FAS: variants seen among roughly 807,000 people sequenced by gnomAD.
FAS encodes the protein Fas cell surface death receptor.
FAS carries 5 observed loss-of-function variants against 33.2 expected under a neutral mutation model. That is an observed-to-expected ratio of 0.15 (90% CI 0.08 to 0.32). The LOEUF (loss-of-function observed/expected upper bound fraction) is 0.32. Among genes scored for constraint, FAS ranks in the 10% least tolerant of loss-of-function variants. The probability of loss-of-function intolerance (pLI) is 1.00; values close to 1 mark genes in which losing one functional copy is unlikely to be tolerated. For missense variants in FAS, 339 were observed against 386.0 expected (o/e 0.88, Z 1.02); for synonymous variants, 131 against 130.7 (o/e 1.00, Z -0.01).
At chr10:88,970,164 G>A (rs1406099123) in intron 1 of FAS, among the ~76,000 whole-genome samples, 1 of 152,094 alleles carries the variant, frequency 6.6e-6, no homozygotes, top group Non-Finnish European at 1.5e-5. Flanking sequence ...AGGTTTTACT[G>A]TACTTGGATC....
chr10:88,985,863 C>T (rs1450188591), upstream of FAS, among the ~76,000 whole-genome samples: 2 of 152,196 alleles, frequency 1.3e-5, no homozygotes, highest in African/African-American at 4.8e-5. Context: ...TGCCTTAAGC[C>T]AACCTTTCCA....
intron 2 of FAS, among the ~76,000 whole-genome samples, chr10:89,005,670 C>T (rs1446991440): frequency 6.6e-6 from 1 of 152,162 alleles, no homozygotes; most frequent in Non-Finnish European, 1.5e-5. Flanking sequence ...TGGAGTCTCA[C>T]TCTGTAGTCC....
At chr10:89,000,128 G>A (rs1384351891) in intron 1 of FAS, among the ~76,000 whole-genome samples, 2 of 152,174 alleles carry the variant, frequency 1.3e-5, no homozygotes, top group African/African-American at 4.8e-5. Flanking sequence ...AAATGGCTTT[G>A]ATTATGCTGG....
At chr10:88,975,181 G>T (rs1421656087) in intron 2 of FAS, 5 of 151,378 alleles carry the variant, frequency 3.3e-5, no homozygotes, top group African/African-American at 1.2e-4. Flanking sequence ...TCAAGCAAGA[G>T]CAAACAATGA....
chr10:88,986,001 T>G (rs1256204628), upstream of FAS, among the ~76,000 whole-genome samples: 1 of 152,244 alleles, frequency 6.6e-6, no homozygotes, highest in Non-Finnish European at 1.5e-5. Context: ...GGAATGCTGA[T>G]TTTCCATTTA....
upstream of FAS, among the ~76,000 whole-genome samples, chr10:88,985,809 T>C (rs1038244685): frequency 1.3e-5 from 2 of 152,184 alleles, no homozygotes; most frequent in African/African-American, 4.8e-5. Flanking sequence ...TGGAGGTTGT[T>C]TGGGGGCAGG....
chr10:88,998,864 A>G (rs942517572), intron 1 of FAS, among the ~76,000 whole-genome samples: 7 of 152,174 alleles, frequency 4.6e-5, no homozygotes, highest in Non-Finnish European at 7.4e-5. Context: ...CCCTTTACAA[A>G]AAAAAATTCG....
upstream of FAS, among the ~76,000 whole-genome samples, chr10:88,986,540 T>C (rs1024622681): frequency 6.6e-6 from 1 of 152,256 alleles, no homozygotes; most frequent in Non-Finnish European, 1.5e-5. Context: ...AATAATTTGC[T>C]GCATATCTTG....
chr10:88,979,641 TGA>T (rs1846660824), intron 2 of FAS, among the ~76,000 whole-genome samples: 1 of 151,992 alleles, frequency 6.6e-6, no homozygotes. Context: ...CTACATAACC[TGA>T]GAGATGGGGC....
intron 3 of FAS, 83 bp from the exon 4 acceptor site, chr10:89,008,806 A>G (rs1336536334): frequency 4.7e-6 from 6 of 1,287,774 alleles, no homozygotes; most frequent in Middle Eastern, 3.7e-4. Context: ...GATCTCAAAA[A>G]TCCATGCAGC....
chr10:88,969,467 G>T (rs750666192), intron 1 of FAS, among the ~76,000 whole-genome samples: 1 of 152,224 alleles, frequency 6.6e-6, no homozygotes, highest in African/African-American at 2.4e-5. Context: ...CATTGGCATA[G>T]TCTCTGTTGT....
chr10:88,997,556 G>A (rs1268868607), intron 1 of FAS, among the ~76,000 whole-genome samples: 3 of 151,904 alleles, frequency 2.0e-5, no homozygotes, highest in Non-Finnish European at 4.4e-5. Context: ...CAAATGAATG[G>A]GATCTTTGCT....
intron 1 of FAS, 160 bp downstream of exon 1, chr10:88,991,066 C>CG: frequency 2.2e-6 from 2 of 909,564 alleles, no homozygotes; most frequent in Non-Finnish European, 1.7e-6. Flanking sequence ...GACTGGCTCC[C>CG]GGGGGCTGTT....
rs1848687177 is a variant in FAS at position 89,014,395 on chromosome 10, T to A, written c.953T>A (p.Ile318Asn). The A allele has an allele frequency of 6.2e-7, 1 of 1,613,026 alleles. No homozygotes were observed. Among genetic ancestry groups the A allele is most frequent in the Admixed American group, 1.7e-5 (1 of 59,998 alleles). ...EKIQTIILKD[I>N]TSDSENSNFR... is the part of the protein sequence containing the mutation. ...ATTCAGACTATCATCCTCAAGGACA[T>A]TACTAGTGACTCAGAAAATTCAAAC... is the stretch of plus-strand genomic sequence containing the variant. Residue 318 changes from isoleucine to asparagine, a missense_variant, in exon 9 of 9, where the codon ATT becomes AAT. Physicochemically the swap from Ile to Asn is moderately radical, Grantham distance 149 (BLOSUM62 -3). Around this residue, in one of 3 missense-constraint regions of FAS, gnomAD observed 52 missense variants for 52.7 expected, o/e 0.99. Coordinates refer to ENST00000652046, the MANE Select transcript of FAS (RefSeq NM_000043.6).
At chr10:88,990,492 C>T (rs1483593862), upstream of FAS, 3 of 566,316 alleles carry the variant, frequency 5.3e-6, no homozygotes, top group East Asian at 3.6e-5. This position sits in a 1 kb window ranked among gnomAD's most constrained non-coding sequence, Gnocchi z 4.9. Flanking sequence ...ATTTGTGCAA[C>T]GAACCCTGAC....
At chr10:88,980,335 T>C (rs914147556) in intron 2 of FAS, among the ~76,000 whole-genome samples, 3 of 152,158 alleles carry the variant, frequency 2.0e-5, no homozygotes, top group Non-Finnish European at 4.4e-5. Flanking sequence ...ACCTGAGGAC[T>C]GAGGAGAGCA....
intron 1 of FAS, among the ~76,000 whole-genome samples, chr10:88,966,623 A>C (rs551937221): frequency 6.6e-6 from 1 of 152,302 alleles, no homozygotes; most frequent in East Asian, 1.9e-4. Flanking sequence ...CAGAGTGCCT[A>C]AAATTCTGTC....
chr10:88,997,097 TTA>T (rs1402431474), intron 1 of FAS, among the ~76,000 whole-genome samples: 1 of 152,242 alleles, frequency 6.6e-6, no homozygotes, highest in Non-Finnish European at 1.5e-5. Context: ...TATAAAACTC[TTA>T]TATTCTCACA....
At chr10:89,014,068 T>C in intron 8 of FAS, 51 bp from the exon 9 acceptor site, 1 of 1,561,836 alleles carries the variant, frequency 6.4e-7, no homozygotes, top group South Asian at 1.1e-5. Context: ...TTTTCACTAA[T>C]GGGAATTTCA....
Sources: allele counts gnomAD v4.1 joint callset (sites outside exome capture counted in the v4.1 genomes callset), GRCh38; gene constraint gnomAD v4.1.1; regional missense constraint gnomAD v4.1.1; non-coding constraint Gnocchi (gnomAD v3.1); transcripts MANE v1.5; gene names NCBI Gene and HGNC (gene_info 2026-07-23, HGNC 2026-07-21).